The following GABRB3 variants were observed in gnomAD, a reference collection of about 807,000 sequenced individuals.
The protein encoded by GABRB3 is gamma-aminobutyric acid type A receptor subunit beta3, also known as gamma-aminobutyric acid receptor subunit beta-3.
In GABRB3, 14 loss-of-function variants were observed where a neutral mutation model predicts 52.1. The ratio of observed to expected loss-of-function variants is 0.27; its 90% confidence interval spans 0.18 to 0.42. The LOEUF (loss-of-function observed/expected upper bound fraction) is 0.42, where lower values mean the gene tolerates loss of function less well. Ranked by LOEUF, GABRB3 falls within the 10% of genes least tolerant of loss-of-function variation. The pLI is 1.00. For synonymous variants in GABRB3, 260 were observed against 232.3 expected (o/e 1.12, Z -1.08); for missense variants, 307 against 609.1 (o/e 0.50, Z 5.22).
At chr15:26,683,288 G>A (rs72706083) in intron 3 of GABRB3, among the ~76,000 whole-genome samples, 1 of 152,084 alleles carries the variant, frequency 6.6e-6, no homozygotes, top group Non-Finnish European at 1.5e-5. Flanking sequence ...GCATATGTGA[G>A]CTGGAACTTC....
chr15:26,615,252 C>A lies in GABRB3; in HGVS notation c.461+6062G>T, dbSNP rs45509301. 5.0e-3 allele frequency: 4,876 copies of A among 983,236 alleles called. 14 individuals are homozygous for A. Among genetic ancestry groups the A allele is most frequent in the Non-Finnish European group, 5.6e-3 (4,630 of 827,896 alleles). 60.9% of individuals were successfully genotyped at this position (983,236 alleles called of 1,614,324 possible). ...AAGGACCATTAGTCTCTTAGTCAGC[C>A]AAGATCTTCCTAGTTCCTTAAATGG... On this transcript the variant is annotated intron_variant, in intron 4 of 8. Coordinates refer to ENST00000311550, the MANE Select transcript of GABRB3 (RefSeq NM_000814.6).
At chr15:26,729,729 G>C (rs144853881) in intron 3 of GABRB3, among the ~76,000 whole-genome samples, 1 of 152,236 alleles carries the variant, frequency 6.6e-6, no homozygotes, top group Non-Finnish European at 1.5e-5. Context: ...CCCCCAGCAG[G>C]CTCCTTCACT....
intron 3 of GABRB3, among the ~76,000 whole-genome samples, chr15:26,644,771 G>C (rs1041473258): frequency 6.6e-6 from 1 of 152,170 alleles, no homozygotes; most frequent in Non-Finnish European, 1.5e-5. Context: ...GAACAACAGG[G>C]CCTTCCTGAT....
chr15:26,746,523 T>C (rs1163442040), intron 3 of GABRB3, among the ~76,000 whole-genome samples: 2 of 152,050 alleles, frequency 1.3e-5, no homozygotes, highest in African/African-American at 4.8e-5. Flanking sequence ...CCCTATGTCC[T>C]AAAGATGTTT....
At chr15:26,648,074 G>A (rs543471836) in intron 3 of GABRB3, among the ~76,000 whole-genome samples, 2 of 152,254 alleles carry the variant, frequency 1.3e-5, no homozygotes, top group Non-Finnish European at 2.9e-5. Flanking sequence ...TTGTGTTACC[G>A]TCATGACCAT....
At chr15:26,709,767 T>G (rs1269071767) in intron 3 of GABRB3, among the ~76,000 whole-genome samples, 1 of 152,128 alleles carries the variant, frequency 6.6e-6, no homozygotes, top group Non-Finnish European at 1.5e-5. Flanking sequence ...TCCACCCACC[T>G]TGGCCTCCCA....
At chr15:26,726,318 G>A (rs543530281) in intron 3 of GABRB3, among the ~76,000 whole-genome samples, 2 of 152,308 alleles carry the variant, frequency 1.3e-5, no homozygotes, top group Non-Finnish European at 2.9e-5. Flanking sequence ...CATTAGTCTA[G>A]CTTCTTCAAA....
At chr15:26,767,974 T>C (rs1353620566) in intron 3 of GABRB3, among the ~76,000 whole-genome samples, 2 of 152,102 alleles carry the variant, frequency 1.3e-5, no homozygotes, top group Admixed American at 1.3e-4. Context: ...CTTCTTGAAA[T>C]GTGCTAAAAT....
chr15:26,694,403 T>G lies in GABRB3; in HGVS notation c.241-72869A>C, dbSNP rs145730570. Among the ~76,000 whole-genome samples the G allele has an allele frequency of 5.9e-5, 9 of 152,338 alleles. No homozygotes were observed. In the East Asian group the frequency reaches 1.7e-3, roughly 29 times the overall value. On this transcript the variant is annotated intron_variant, in intron 3 of 8. Transcript: ENST00000311550. ...TACCATGACCCCAACAGGGCTCTTG[T>G]GTAATAACAAGGAATCACCACTGAA...
intron 3 of GABRB3, among the ~76,000 whole-genome samples, chr15:26,710,306 G>T (rs942387872): frequency 6.6e-6 from 1 of 152,092 alleles, no homozygotes; most frequent in Non-Finnish European, 1.5e-5. Context: ...TTGTTGCTCA[G>T]GCTGGAGTGC....
intron 3 of GABRB3, among the ~76,000 whole-genome samples, chr15:26,635,010 A>AG (rs10676156): frequency 4.0e-5 from 3 of 74,882 alleles, no homozygotes; most frequent in African/African-American, 1.5e-4. Context: ...ATATATATAT[A>AG]ATATATATAT....
At chr15:26,760,809 GCA>G (rs10522762) in intron 3 of GABRB3, among the ~76,000 whole-genome samples, 2 of 149,280 alleles carry the variant, frequency 1.3e-5, no homozygotes, top group Non-Finnish European at 3.0e-5. Context: ...ACACGCGCAC[GCA>G]CACACACACA....
chr15:26,600,318 C>T (rs908497590), intron 4 of GABRB3, among the ~76,000 whole-genome samples: 5 of 151,824 alleles, frequency 3.3e-5, no homozygotes, highest in African/African-American at 1.2e-4. Context: ...AGCCAGAAAG[C>T]ATATTTTAAA....
intron 4 of GABRB3, among the ~76,000 whole-genome samples, chr15:26,593,370 G>C (rs780544764): frequency 6.6e-6 from 1 of 152,124 alleles, no homozygotes; most frequent in Non-Finnish European, 1.5e-5. Flanking sequence ...ATATAATTCA[G>C]TGCATTCACA....
intron 4 of GABRB3, chr15:26,616,015 G>C: frequency 3.9e-6 from 5 of 1,289,196 alleles, no homozygotes; most frequent in Non-Finnish European, 5.1e-6. Context: ...TTTAACTTCA[G>C]TGTTCTCAGC....
intron 3 of GABRB3, among the ~76,000 whole-genome samples, chr15:26,711,692 C>A (rs1329564723): frequency 6.6e-6 from 1 of 152,152 alleles, no homozygotes; most frequent in Non-Finnish European, 1.5e-5. Flanking sequence ...TGAGCTCCTG[C>A]CTGGAATGGC....
chr15:26,603,176 A>C (rs1215729803), intron 4 of GABRB3, among the ~76,000 whole-genome samples: 1 of 152,032 alleles, frequency 6.6e-6, no homozygotes, highest in Non-Finnish European at 1.5e-5. Context: ...AAACTGATAA[A>C]TTTCTAGACA....
intron 3 of GABRB3, among the ~76,000 whole-genome samples, chr15:26,714,786 T>C (rs1012762098): frequency 6.6e-6 from 1 of 152,172 alleles, no homozygotes. Context: ...ATTATTTTCA[T>C]TATCACTGTT....
Position 26,606,789 on chromosome 15 carries a change from T to TATCAATAGATATATCG in GABRB3, c.461+14524_461+14525insCGATATATCTATTGAT. Among the ~76,000 whole-genome samples, 3 of 122,872 alleles carry TATCAATAGATATATCG rather than the reference T, an allele frequency of 2.4e-5. 1 individual carries two copies. The highest frequency in any genetic ancestry group is 9.7e-5 in the African/African-American group (3 of 30,948). The allele number at this position is 122,872 out of a possible 152,430, so 80.6% of individuals were successfully genotyped here. A position where few individuals can be genotyped will look rare whatever the true frequency, so the allele number is the denominator to read the frequency against. Reference sequence around the variant, plus strand: ...CTATCTATAGATAGATAGATATATCTATAGATAGATATATCTATAGATAGA... The same window carrying TATCAATAGATATATCG: ...CTATCTATAGATAGATAGATATATCTATCAATAGATATATCGATAGATAGATATATCTATAGATAGA... On this transcript the variant is annotated intron_variant, in intron 4 of 8. Coordinates refer to ENST00000311550, the MANE Select transcript of GABRB3 (RefSeq NM_000814.6).
Sources: gnomAD v4.1 joint callset for allele counts (sites outside exome capture counted in the v4.1 genomes callset) on GRCh38, gnomAD v4.1.1 for gene constraint, MANE v1.5 for transcripts, NCBI Gene and HGNC (gene_info 2026-07-23, HGNC 2026-07-21) for gene names.